The following FKTN variants were observed in gnomAD, a reference collection of about 807,000 sequenced individuals.
FKTN encodes the protein ribitol-5-phosphate transferase FKTN.
Under a neutral mutation model 58.6 loss-of-function variants are expected in FKTN, and 47 were observed. That is an observed-to-expected ratio of 0.80 (90% CI 0.63 to 1.02). FKTN has a LOEUF of 1.02. Ranked by LOEUF, FKTN falls within the 50% of genes least tolerant of loss-of-function variation. FKTN has a pLI of 0.00. For missense variants in FKTN, 516 were observed against 537.3 expected, an observed-to-expected ratio of 0.96 and a Z score of 0.39; for synonymous variants, 178 against 191.9, an observed-to-expected ratio of 0.93 and a Z score of 0.60.
intron 1 of FKTN, among the ~76,000 whole-genome samples, chr9:105,559,039 C>T (rs1589142543): frequency 6.6e-6 from 1 of 152,014 alleles, no homozygotes; most frequent in South Asian, 2.1e-4. Context: ...GGGGAAATGC[C>T]GAAAGAACAA....
intron 4 of FKTN, among the ~76,000 whole-genome samples, chr9:105,597,188 C>T (rs1246049157): frequency 6.6e-6 from 1 of 152,014 alleles, no homozygotes; most frequent in Non-Finnish European, 1.5e-5. Flanking sequence ...GAAAGAAAAA[C>T]ATTGCTGGGT....
chr9:105,619,058 T>TAAA (rs80255150), intron 9 of FKTN, among the ~76,000 whole-genome samples: 2 of 136,684 alleles, frequency 1.5e-5, no homozygotes, highest in African/African-American at 5.4e-5. Context: ...GACTCCGTCT[T>TAAA]AAAAAAAAAA....
chr9:105,614,713 G>A (rs1830495378), intron 7 of FKTN, among the ~76,000 whole-genome samples: 1 of 152,152 alleles, frequency 6.6e-6, no homozygotes, highest in South Asian at 2.1e-4. Flanking sequence ...ATAAAAGGAT[G>A]TCTCATCCTT....
chr9:105,577,136 G>A (rs973879579), intron 3 of FKTN, among the ~76,000 whole-genome samples: 3 of 147,810 alleles, frequency 2.0e-5, no homozygotes, highest in Non-Finnish European at 4.5e-5. Flanking sequence ...CACTCTGATG[G>A]TAGTTTCTTT....
intron 5 of FKTN, among the ~76,000 whole-genome samples, chr9:105,602,409 T>A (rs1231582660): frequency 6.6e-6 from 1 of 152,184 alleles, no homozygotes; most frequent in Non-Finnish European, 1.5e-5. Context: ...AACCACTATT[T>A]TAGAAGAAGG....
At chr9:105,563,275 A>T (rs917741149) in intron 1 of FKTN, among the ~76,000 whole-genome samples, 1 of 152,216 alleles carries the variant, frequency 6.6e-6, no homozygotes, top group African/African-American at 2.4e-5. Flanking sequence ...TACTGAGTTC[A>T]TCTCACTGGG....
In FKTN at chr9:105,617,977, A is replaced by G. The variant is rs776639304; in HGVS notation, c.929A>G (p.Asn310Ser). 4.9e-5 allele frequency: 78 copies of G among 1,591,508 alleles called. No homozygotes were observed. The highest frequency in any genetic ancestry group is 5.8e-5 in the Non-Finnish European group (67 of 1,159,846). ...GTCLGWYRQC[N>S]IIPYSKDVDL... The stretch of plus-strand genomic sequence containing the variant: ...TTTTTAGGATGGTATCGACAATGCA[A>G]CATTATTCCTTATAGCAAAGATGTT... Residue 310 changes from asparagine (N) to serine (S), a missense_variant, in exon 9 of 11, where the codon AAC becomes AGC. Transcript: ENST00000357998.
chr9:105,570,953 A>G (rs1295762451), intron 1 of FKTN, among the ~76,000 whole-genome samples: 6 of 152,208 alleles, frequency 3.9e-5, no homozygotes, highest in Non-Finnish European at 8.8e-5. Context: ...AGGAATACTC[A>G]TGCAAAAACC....
At chr9:105,591,252 G>A (rs1844814911) in intron 3 of FKTN, among the ~76,000 whole-genome samples, 1 of 152,122 alleles carries the variant, frequency 6.6e-6, no homozygotes, top group Admixed American at 6.5e-5. Context: ...GTCCTTCAAA[G>A]TCTTAACTTA....
intron 10 of FKTN, 22 bp downstream of exon 10, chr9:105,620,083 AT>A: frequency 6.3e-7 from 1 of 1,591,252 alleles, no homozygotes; most frequent in Non-Finnish European, 8.6e-7. Flanking sequence ...ATAAGTACTT[AT>A]TTATAAAGGT....
intron 7 of FKTN, among the ~76,000 whole-genome samples, chr9:105,608,524 A>G (rs1754768648): frequency 6.6e-6 from 1 of 152,208 alleles, no homozygotes; most frequent in Non-Finnish European, 1.5e-5. Flanking sequence ...GAAAGGCATG[A>G]AAGTTCAGCT....
At position 105,587,773 on chromosome 9, in the gene FKTN, C is replaced by T. The variant is rs144341936; in HGVS notation, c.106-8825C>T. Among the ~76,000 whole-genome samples the T allele has an allele frequency of 3.1e-3, 472 of 152,180 alleles. 4 individuals carry two copies. The highest frequency in any genetic ancestry group is 0.011 in the African/African-American group (443 of 41,532). The stretch of plus-strand genomic sequence containing the variant: ...TAGGCTGTGTAGGTTTGTAGGTTTT[C>T]TGGCCAGTTTTGATTATTAAGAATC... On this transcript the variant is annotated intron_variant, in intron 3 of 10. Transcript: ENST00000357998.
chr9:105,619,532 C>T (rs1831477426), intron 9 of FKTN, among the ~76,000 whole-genome samples: 1 of 151,904 alleles, frequency 6.6e-6, no homozygotes, highest in African/African-American at 2.4e-5. Context: ...TACTTAAGTA[C>T]TTATTGATTG....
chr9:105,599,710 G>T (rs1230129320), intron 4 of FKTN, among the ~76,000 whole-genome samples: 2 of 152,026 alleles, frequency 1.3e-5, no homozygotes, highest in African/African-American at 4.8e-5. Flanking sequence ...CACCATGTTG[G>T]CCAGGCTGGT....
chr9:105,637,968 A>G lies in FKTN; in HGVS notation c.*2704A>G. Reference sequence around the variant, plus strand: ...CTAGCTGCAAAACCTGAAATTGACCACTAGGTGACAGAATGTTTGCCAGTA... The same window carrying G: ...CTAGCTGCAAAACCTGAAATTGACCGCTAGGTGACAGAATGTTTGCCAGTA... On this transcript the variant is annotated 3_prime_UTR_variant, in exon 11 of 11. Coordinates refer to ENST00000357998, the MANE Select transcript of FKTN (RefSeq NM_001079802.2). 1 of 985,422 alleles carries G rather than the reference A, an allele frequency of 1.0e-6. No homozygotes were observed. The highest frequency in any genetic ancestry group is 1.2e-6 in the Non-Finnish European group (1 of 829,920). The allele number at this position is 985,422 out of a possible 1,614,324, so 61.0% of individuals were successfully genotyped here. A position where few individuals can be genotyped will look rare whatever the true frequency, so the allele number is the denominator to read the frequency against.
At chr9:105,593,711 G>A (rs56080113) in intron 3 of FKTN, among the ~76,000 whole-genome samples, 1 of 152,114 alleles carries the variant, frequency 6.6e-6, no homozygotes, top group Non-Finnish European at 1.5e-5. Context: ...GAGAAACAGA[G>A]AAAAAACAGA....
At chr9:105,609,184 T>G (rs2132940110) in intron 7 of FKTN, among the ~76,000 whole-genome samples, 1 of 152,284 alleles carries the variant, frequency 6.6e-6, no homozygotes, top group East Asian at 1.9e-4. Flanking sequence ...ATACATGTAT[T>G]TGAACACTTG....
In FKTN at chr9:105,613,424, G is replaced by A. The variant is rs116797211; in HGVS notation, c.781-1854G>A. 9.0e-3 allele frequency among the ~76,000 whole-genome samples: 1,374 copies of A among 152,304 alleles called. 22 individuals carry two copies. Among genetic ancestry groups the A allele is most frequent in the African/African-American group, 0.032 (1,316 of 41,560 alleles). On this transcript the variant is annotated intron_variant, in intron 7 of 10. Coordinates refer to ENST00000357998, the MANE Select transcript of FKTN (RefSeq NM_001079802.2). ...CTGCAAGAAATTCTTCTTACTGAAGGTAGGGTACTTTTTGCTTAAGATTCA... is the reference window on the plus strand; with the variant it reads ...CTGCAAGAAATTCTTCTTACTGAAGATAGGGTACTTTTTGCTTAAGATTCA...
In FKTN at chr9:105,607,970, T is replaced by G. The variant is rs752490932; in HGVS notation, c.780+19T>G. ...CTTTCAGGTTAGAGACAACCAAATGTGTACTTTTAAATTAAAGAAAATGTT... is the reference window on the plus strand; with the variant it reads ...CTTTCAGGTTAGAGACAACCAAATGGGTACTTTTAAATTAAAGAAAATGTT... On this transcript the variant is annotated intron_variant, in intron 7 of 10. Transcript: ENST00000357998. 1.2e-6 allele frequency: 2 copies of G among 1,603,372 alleles called. No homozygotes were observed. Among genetic ancestry groups the G allele is most frequent in the East Asian group, 4.5e-5 (2 of 44,722 alleles).
Sources: gnomAD v4.1 joint callset for allele counts (sites outside exome capture counted in the v4.1 genomes callset) on GRCh38, gnomAD v4.1.1 for gene constraint, MANE v1.5 for transcripts, NCBI Gene and HGNC (gene_info 2026-07-23, HGNC 2026-07-21) for gene names.